The following GRID2 variants were observed in gnomAD, a reference collection of about 807,000 sequenced individuals.
The protein encoded by GRID2 is glutamate ionotropic receptor delta type subunit 2.
GRID2 carries 33 observed loss-of-function variants against 114.8 expected under a neutral mutation model. That is an observed-to-expected ratio of 0.29 (90% confidence interval 0.22 to 0.38). The LOEUF (loss-of-function observed/expected upper bound fraction) is 0.38, where lower values mean the gene tolerates loss of function less well. Ranked by LOEUF, GRID2 falls within the 10% of genes least tolerant of loss-of-function variation. The pLI is 1.00. For synonymous variants in GRID2, 505 were observed against 449.9 expected (o/e 1.12, Z -1.55); for missense variants, 1,184 against 1,257.7 (o/e 0.94, Z 0.89).
At chr4:93,712,148 ATTAC>A (rs149732523) in intron 14 of GRID2, among the ~76,000 whole-genome samples, 6,386 of 152,136 alleles carry the variant, frequency 0.042, 212 homozygotes, top group African/African-American at 0.084. Context: ...AAATTTTATT[ATTAC>A]TTTTATTGAA....
chr4:92,516,845 C>A (rs1354403317), intron 1 of GRID2, among the ~76,000 whole-genome samples: 1 of 151,842 alleles, frequency 6.6e-6, no homozygotes, highest in Non-Finnish European at 1.5e-5. Flanking sequence ...ACAGTCTGCT[C>A]TTCTTCGTTA....
intron 1 of GRID2, among the ~76,000 whole-genome samples, chr4:92,521,117 T>G (rs910736045): frequency 2.0e-5 from 3 of 151,886 alleles, no homozygotes; most frequent in Non-Finnish European, 2.9e-5. Context: ...AGTTTAATAT[T>G]TAAAATAAGA....
intron 14 of GRID2, among the ~76,000 whole-genome samples, chr4:93,685,882 C>G (rs1174064605): frequency 6.6e-6 from 1 of 151,956 alleles, no homozygotes; most frequent in African/African-American, 2.4e-5. Context: ...AACAAATTGT[C>G]CTTAATTTCT....
intron 2 of GRID2, among the ~76,000 whole-genome samples, chr4:92,713,499 A>ATG (rs1293672266): frequency 1.0e-4 from 13 of 128,916 alleles, no homozygotes; most frequent in African/African-American, 3.7e-4. Flanking sequence ...ATATATATAT[A>ATG]TATATATATA....
rs2110286608 is a variant in GRID2 at position 92,403,955 on chromosome 4, C to G, written c.88+99211C>G. 2.6e-5 allele frequency among the ~76,000 whole-genome samples: 4 copies of G among 151,876 alleles called. No homozygotes were observed. The South Asian group carries it at 8.3e-4, about 32-fold the overall frequency. On this transcript the variant is annotated intron_variant, in intron 1 of 15. Transcript: ENST00000282020. ...TATGTGGGCATAGTTCATGGCTGAC[C>G]AAAGCAATGATAATAAACATCAAAA...
intron 2 of GRID2, among the ~76,000 whole-genome samples, chr4:92,664,997 T>C (rs1732700063): frequency 6.6e-6 from 1 of 150,846 alleles, no homozygotes; most frequent in East Asian, 1.9e-4. Flanking sequence ...TTTTTTTTTT[T>C]TTTAATTTCA....
At chr4:92,441,234 G>A (rs1733054757) in intron 1 of GRID2, among the ~76,000 whole-genome samples, 1 of 152,144 alleles carries the variant, frequency 6.6e-6, no homozygotes, top group Admixed American at 6.5e-5. Flanking sequence ...AGATTGGCAG[G>A]GAGAGCACGT....
chr4:92,739,087 T>C (rs1034551042), intron 2 of GRID2, among the ~76,000 whole-genome samples: 15 of 152,184 alleles, frequency 9.9e-5, no homozygotes, highest in African/African-American at 3.6e-4. Context: ...CCTATCTAGC[T>C]GTCTCTCTCC....
intron 4 of GRID2, among the ~76,000 whole-genome samples, chr4:93,134,801 C>G (rs1430600544): frequency 1.3e-5 from 2 of 152,012 alleles, no homozygotes; most frequent in African/African-American, 4.8e-5. Flanking sequence ...GTCCCTTCAC[C>G]AATTCTACCC....
downstream of GRID2, among the ~76,000 whole-genome samples, chr4:93,776,971 G>C (rs1734382771): frequency 1.3e-5 from 2 of 152,110 alleles, no homozygotes; most frequent in African/African-American, 4.8e-5. Flanking sequence ...GCCTCAACAG[G>C]ACAAAACATA....
At chr4:93,008,843 A>C (rs1293159777) in intron 2 of GRID2, among the ~76,000 whole-genome samples, 6 of 152,150 alleles carry the variant, frequency 3.9e-5, no homozygotes, top group African/African-American at 9.7e-5. Context: ...CAACTATGAA[A>C]GAGCTCTCAA....
At chr4:92,748,050 T>C (rs1388345652) in intron 2 of GRID2, among the ~76,000 whole-genome samples, 4 of 152,218 alleles carry the variant, frequency 2.6e-5, no homozygotes, top group African/African-American at 9.6e-5. Context: ...GTTATGTTTT[T>C]GCCTGACTCC....
intron 2 of GRID2, among the ~76,000 whole-genome samples, chr4:92,960,264 T>A (rs1752714141): frequency 6.6e-6 from 1 of 151,966 alleles, no homozygotes; most frequent in Admixed American, 6.6e-5. Flanking sequence ...CCAATAGAGG[T>A]CAATTATATT....
At chr4:93,702,150 T>C (rs1331093498) in intron 14 of GRID2, among the ~76,000 whole-genome samples, 2 of 152,178 alleles carry the variant, frequency 1.3e-5, no homozygotes, top group African/African-American at 4.8e-5. Flanking sequence ...TTCAAAAAGT[T>C]TTAACCCTAG....
intron 2 of GRID2, among the ~76,000 whole-genome samples, chr4:92,873,117 ATTTT>A (rs1305475948): frequency 2.0e-5 from 3 of 152,032 alleles, no homozygotes; most frequent in African/African-American, 7.2e-5. Context: ...TAAAATGAAA[ATTTT>A]TTTGTTTGGT....
At chr4:93,204,584 C>T (rs2149465397) in intron 4 of GRID2, among the ~76,000 whole-genome samples, 1 of 152,218 alleles carries the variant, frequency 6.6e-6, no homozygotes, top group Non-Finnish European at 1.5e-5. Context: ...TGGCTTTAGA[C>T]AACATGTTTG....
intron 13 of GRID2, among the ~76,000 whole-genome samples, chr4:93,517,329 T>C (rs1003940081): frequency 5.9e-5 from 9 of 152,094 alleles, no homozygotes; most frequent in African/African-American, 1.9e-4. Flanking sequence ...AAGAGGTAGA[T>C]AATAATTTCT....
chr4:92,454,856 T>A (rs1215070923), intron 1 of GRID2, among the ~76,000 whole-genome samples: 1 of 152,126 alleles, frequency 6.6e-6, no homozygotes, highest in African/African-American at 2.4e-5. Context: ...AAGAAAAATC[T>A]GCACCCCTGC....
In GRID2 at chr4:92,457,358, A is replaced by AG. The variant is rs551885270; in HGVS notation, c.89-132771dup. Among the ~76,000 whole-genome samples the AG allele has an allele frequency of 3.8e-3, 578 of 152,284 alleles. 2 individuals are homozygous for AG. The highest frequency in any genetic ancestry group is 0.014 in the Middle Eastern group (4 of 292). On this transcript the variant is annotated intron_variant, in intron 1 of 15. Transcript: ENST00000282020. ...ATTTATGTTTATGTGTTAGATTGTA[A>AG]GGAACTTGAAGGCAAAGTTTATCTC...
Sources: gnomAD v4.1 joint callset for allele counts (sites outside exome capture counted in the v4.1 genomes callset) on GRCh38, gnomAD v4.1.1 for gene constraint, MANE v1.5 for transcripts, NCBI Gene and HGNC (gene_info 2026-07-23, HGNC 2026-07-21) for gene names.